The following KCND3 variants were observed in gnomAD, a reference collection of about 807,000 sequenced individuals.
The protein encoded by KCND3 is potassium voltage-gated channel subfamily D member 3.
A neutral mutation model predicts 51.1 loss-of-function variants in KCND3; 9 were observed. The observed-to-expected ratio is 0.18, with a 90% confidence interval of 0.11 to 0.31. The LOEUF (loss-of-function observed/expected upper bound fraction) is 0.31, where lower values mean the gene tolerates loss of function less well. KCND3 is among the 10% of genes least tolerant of loss of function. The probability of loss-of-function intolerance (pLI) is 1.00; values close to 1 mark genes in which losing one functional copy is unlikely to be tolerated. For missense variants in KCND3, 526 were observed against 903.8 expected (o/e 0.58, Z 5.36); for synonymous variants, 349 against 368.0 (o/e 0.95, Z 0.59).
chr1:111,801,494 C>T (rs1665306239), intron 2 of KCND3, among the ~76,000 whole-genome samples: 1 of 152,170 alleles, frequency 6.6e-6, no homozygotes, highest in Non-Finnish European at 1.5e-5. Flanking sequence ...CCTTCTGTGG[C>T]TCCAGCTGGG....
At chr1:111,868,206 G>A (rs560758196) in intron 2 of KCND3, among the ~76,000 whole-genome samples, 89 of 152,322 alleles carry the variant, frequency 5.8e-4, no homozygotes, top group Non-Finnish European at 8.2e-4. Flanking sequence ...TCTGAGTGGT[G>A]TGATGAAACC....
At chr1:111,970,504 T>A (rs954613377) in intron 2 of KCND3, among the ~76,000 whole-genome samples, 1 of 152,192 alleles carries the variant, frequency 6.6e-6, no homozygotes, top group Non-Finnish European at 1.5e-5. Flanking sequence ...TGCCACCTCC[T>A]CCAAGAAGCC....
At chr1:111,940,781 C>T (rs1328667867) in intron 2 of KCND3, among the ~76,000 whole-genome samples, 4 of 152,150 alleles carry the variant, frequency 2.6e-5, no homozygotes, top group Admixed American at 6.5e-5. Flanking sequence ...CACCCCTCAC[C>T]GATGACATCA....
intron 2 of KCND3, among the ~76,000 whole-genome samples, chr1:111,951,868 G>C (rs1179597526): frequency 6.6e-6 from 1 of 152,148 alleles, no homozygotes; most frequent in Non-Finnish European, 1.5e-5. Context: ...GATAGTGTGG[G>C]AAGACGGAGA....
intron 2 of KCND3, among the ~76,000 whole-genome samples, chr1:111,923,795 G>C (rs1315704509): frequency 1.3e-5 from 2 of 152,142 alleles, no homozygotes; most frequent in East Asian, 3.8e-4. Context: ...GGGTGCTAAT[G>C]GTCAGTTGAC....
chr1:111,799,284 A>G (rs771881268), intron 2 of KCND3, among the ~76,000 whole-genome samples: 2 of 152,206 alleles, frequency 1.3e-5, no homozygotes, highest in Non-Finnish European at 2.9e-5. Flanking sequence ...CAAACACTTC[A>G]GGTACTAGAA....
chr1:111,868,880 A>G (rs1668707921), intron 2 of KCND3, among the ~76,000 whole-genome samples: 2 of 152,164 alleles, frequency 1.3e-5, no homozygotes. Flanking sequence ...GAGTAGCCGG[A>G]TTACAGGCAT....
At chr1:111,814,965 G>T (rs1666020132) in intron 2 of KCND3, among the ~76,000 whole-genome samples, 1 of 152,206 alleles carries the variant, frequency 6.6e-6, no homozygotes, top group Non-Finnish European at 1.5e-5. Context: ...GGCTATATTT[G>T]TACCTTGACT....
intron 2 of KCND3, among the ~76,000 whole-genome samples, chr1:111,821,191 C>T (rs1029874855): frequency 2.0e-5 from 3 of 152,178 alleles, no homozygotes; most frequent in African/African-American, 7.2e-5. Context: ...GTGGAATGCA[C>T]CACAGATTTT....
rs559332703 is a variant in KCND3 at position 111,884,922 on chromosome 1, G to A, written c.1106+96699C>T. Among the ~76,000 whole-genome samples, 24 of 152,088 alleles carry A rather than the reference G, an allele frequency of 1.6e-4. No individual in the cohort carries two copies. The East Asian group carries it at 2.5e-3, about 16-fold the overall frequency. ...TGGGGGTGAGTATGGCGATGGGGGC[G>A]GTCCTGTGCATTGTGAAATGTTCAG... On this transcript the variant is annotated intron_variant, in intron 2 of 7. Transcript: ENST00000302127.
chr1:111,827,684 A>G (rs967710544), intron 2 of KCND3, among the ~76,000 whole-genome samples: 2 of 152,242 alleles, frequency 1.3e-5, no homozygotes, highest in African/African-American at 4.8e-5. Context: ...ACTGAGTCTT[A>G]GAGAGGTTAC....
chr1:111,808,241 C>T (rs1027250418), intron 2 of KCND3, among the ~76,000 whole-genome samples: 2 of 152,240 alleles, frequency 1.3e-5, no homozygotes, highest in African/African-American at 2.4e-5. Flanking sequence ...AAAAAAAACA[C>T]TGCTCTTTCA....
intron 2 of KCND3, among the ~76,000 whole-genome samples, chr1:111,866,979 G>A (rs1571765590): frequency 6.6e-6 from 1 of 152,126 alleles, no homozygotes; most frequent in South Asian, 2.1e-4. Flanking sequence ...AAAATCCTAT[G>A]TAGGCTAATA....
chr1:111,959,083 G>A (rs1673495617), intron 2 of KCND3, among the ~76,000 whole-genome samples: 1 of 152,216 alleles, frequency 6.6e-6, no homozygotes, highest in Non-Finnish European at 1.5e-5. Context: ...CAGTTAGGCA[G>A]AGTAATTGTT....
rs72548728 is a variant in KCND3 at position 111,780,348 on chromosome 1, C to T, written c.1372-34G>A. Reference sequence around the variant, plus strand: ...AAAAGAAGAGAGATTGAGTAAAAAGCTGGTGGCTCTTCCCCTCTCCAGCTC... The same window carrying T: ...AAAAGAAGAGAGATTGAGTAAAAAGTTGGTGGCTCTTCCCCTCTCCAGCTC... On this transcript the variant is annotated intron_variant, in intron 4 of 7. Transcript: ENST00000302127. This position sits in a 1 kb window ranked among gnomAD's most constrained non-coding sequence, Gnocchi z 4.2. 2.1e-3 allele frequency: 3,218 copies of T among 1,534,290 alleles called. 57 individuals carry two copies. In the African/African-American group the frequency reaches 0.04, roughly 19 times the overall value.
intron 2 of KCND3, among the ~76,000 whole-genome samples, chr1:111,880,480 G>A (rs1669249962): frequency 6.6e-6 from 1 of 152,206 alleles, no homozygotes; most frequent in Non-Finnish European, 1.5e-5. Context: ...CTTAGCTGAT[G>A]TCTCAGGTGG....
At chr1:111,828,752 T>C (rs1666695434) in intron 2 of KCND3, among the ~76,000 whole-genome samples, 1 of 152,156 alleles carries the variant, frequency 6.6e-6, no homozygotes, top group African/African-American at 2.4e-5. Flanking sequence ...ACTGCTTTGC[T>C]CTTTGCTGTT....
At chr1:111,914,014 G>A (rs1398593572) in intron 2 of KCND3, among the ~76,000 whole-genome samples, 1 of 151,950 alleles carries the variant, frequency 6.6e-6, no homozygotes, top group Non-Finnish European at 1.5e-5. Context: ...CAGAGATAAT[G>A]GAATTAGCAT....
In KCND3 at chr1:111,774,554, T is replaced by G. The variant is rs975806197; in HGVS notation, c.*1523A>C. 1 of 152,240 alleles carries G rather than the reference T, an allele frequency of 6.6e-6. No homozygotes were observed. The highest frequency in any genetic ancestry group is 1.5e-5 in the Non-Finnish European group (1 of 68,038). 9.4% of individuals were successfully genotyped at this position (152,240 alleles called of 1,614,324 possible). A position where few individuals can be genotyped will look rare whatever the true frequency, so the allele number is the denominator to read the frequency against. On this transcript the variant is annotated 3_prime_UTR_variant, in exon 8 of 8. Transcript: ENST00000302127. ...GTGTTCAAGAAATAATCTTCACTCC[T>G]TTGCTTGCACAGAGGTGATGAGGCT... is the stretch of plus-strand genomic sequence containing the variant.
Sources: gnomAD v4.1 joint callset for allele counts (sites outside exome capture counted in the v4.1 genomes callset) on GRCh38, gnomAD v4.1.1 for gene constraint, Gnocchi (gnomAD v3.1) non-coding constraint, MANE v1.5 for transcripts, NCBI Gene and HGNC (gene_info 2026-07-23, HGNC 2026-07-21) for gene names.